Variants in RTF1 observed in about 807,000 individuals in gnomAD.
The protein encoded by RTF1 is RTF1 homolog, Paf1/RNA polymerase II complex component, also known as RNA polymerase-associated protein RTF1 homolog.
Under a neutral mutation model 95.7 loss-of-function variants are expected in RTF1, and 10 were observed. The observed-to-expected ratio is 0.10, with a 90% confidence interval of 0.06 to 0.18. The LOEUF (loss-of-function observed/expected upper bound fraction) is 0.18. RTF1 is among the 10% of genes least tolerant of loss of function. The pLI is 1.00. For missense variants in RTF1, 458 were observed against 875.6 expected (o/e 0.52, Z 6.02); for synonymous variants, 305 against 311.8 (o/e 0.98, Z 0.23).
chr15:41,472,639 C>T (rs946676162), intron 8 of RTF1, among the ~76,000 whole-genome samples: 1 of 152,072 alleles, frequency 6.6e-6, no homozygotes, highest in Non-Finnish European at 1.5e-5. Context: ...ATGCCTCAGC[C>T]TCCAAGTAGC....
chr15:41,417,957 A>G (rs75358353), intron 1 of RTF1, among the ~76,000 whole-genome samples: 4,141 of 152,232 alleles, frequency 0.027, 79 homozygotes, highest in Middle Eastern at 0.082. Context: ...TGGAGGAAAG[A>G]GGGCAGATAC....
intron 3 of RTF1, among the ~76,000 whole-genome samples, chr15:41,455,943 C>G (rs769828019): frequency 6.7e-6 from 1 of 150,322 alleles, no homozygotes; most frequent in Non-Finnish European, 1.5e-5. Flanking sequence ...CCAGGTGCGG[C>G]GGCTCACACC....
chr15:41,457,016 G>T (rs2050821778), intron 3 of RTF1, among the ~76,000 whole-genome samples: 1 of 152,076 alleles, frequency 6.6e-6, no homozygotes, highest in South Asian at 2.1e-4. Context: ...AACCAGGGAG[G>T]TGGAAGTTGC....
At chr15:41,426,814 TG>T (rs2050635189) in intron 1 of RTF1, among the ~76,000 whole-genome samples, 1 of 139,036 alleles carries the variant, frequency 7.2e-6, no homozygotes, top group Admixed American at 7.3e-5. Flanking sequence ...TGTGTGTGTG[TG>T]TGTGTGTGTG....
At chr15:41,423,197 T>C (rs1225979901) in intron 1 of RTF1, among the ~76,000 whole-genome samples, 1 of 152,234 alleles carries the variant, frequency 6.6e-6, no homozygotes, top group Non-Finnish European at 1.5e-5. Context: ...TGCTTCTTGT[T>C]AATGTAGTGT....
intron 1 of RTF1, among the ~76,000 whole-genome samples, chr15:41,436,885 G>A (rs1308265801): frequency 6.6e-6 from 1 of 151,878 alleles, no homozygotes; most frequent in Non-Finnish European, 1.5e-5. Flanking sequence ...TCAGGAGATC[G>A]AGACCATCCT....
intron 9 of RTF1, 67 bp from the exon 10 acceptor site, chr15:41,475,458 A>G: frequency 8.2e-7 from 1 of 1,226,812 alleles, no homozygotes; most frequent in East Asian, 2.3e-5. Context: ...TAGTCTGGTA[A>G]GGTTGCTTTG....
intron 3 of RTF1, among the ~76,000 whole-genome samples, chr15:41,457,387 G>T (rs112928965): frequency 0.027 from 4,138 of 152,138 alleles, 78 homozygotes; most frequent in Middle Eastern, 0.082. Flanking sequence ...TACAAAATTA[G>T]CTGGGTGTGG....
intron 14 of RTF1, among the ~76,000 whole-genome samples, chr15:41,478,122 C>T (rs538038170): frequency 1.7e-4 from 26 of 151,528 alleles, no homozygotes; most frequent in Middle Eastern, 6.9e-3. Context: ...AAAAATTAGC[C>T]GGGCATGGTG....
At chr15:41,455,719 C>T (rs927756052) in intron 3 of RTF1, among the ~76,000 whole-genome samples, 10 of 150,214 alleles carry the variant, frequency 6.7e-5, no homozygotes, top group African/African-American at 1.5e-4. Flanking sequence ...CCCCAAGAAT[C>T]GCTTAAAGAG....
chr15:41,453,145 C>A, intron 3 of RTF1, 97 bp downstream of exon 3: 2 of 963,354 alleles, frequency 2.1e-6, no homozygotes, highest in Non-Finnish European at 1.5e-6. Context: ...TACTTGCATT[C>A]AGCATGACCT....
intron 1 of RTF1, among the ~76,000 whole-genome samples, chr15:41,428,825 T>C (rs919221789): frequency 2.6e-5 from 4 of 152,174 alleles, no homozygotes; most frequent in African/African-American, 9.6e-5. Context: ...GCAACCTCTC[T>C]GCCTCCTGGG....
chr15:41,440,246 A>G (rs2050726302), intron 2 of RTF1: 1 of 142,032 alleles, frequency 7.0e-6, no homozygotes, highest in African/African-American at 2.6e-5. Flanking sequence ...GCTACAGTGC[A>G]GCGGCGCAAT....
chr15:41,418,257 G>A (rs2050581979), intron 1 of RTF1, among the ~76,000 whole-genome samples: 1 of 152,206 alleles, frequency 6.6e-6, no homozygotes. Context: ...GAATATGCAA[G>A]AGATAGTAGC....
intron 9 of RTF1, 93 bp from the exon 10 acceptor site, chr15:41,475,432 A>T: frequency 3.3e-6 from 3 of 921,902 alleles, no homozygotes; most frequent in Non-Finnish European, 5.4e-6. Context: ...TGCAATAGGT[A>T]TATATAGGTG....
intron 8 of RTF1, among the ~76,000 whole-genome samples, chr15:41,473,643 A>G (rs1235846549): frequency 6.6e-6 from 1 of 151,984 alleles, no homozygotes; most frequent in East Asian, 1.9e-4. Context: ...GCTCATTGCA[A>G]CCTTGAACTC....
chr15:41,470,033 A>G (rs2050902000), intron 6 of RTF1, among the ~76,000 whole-genome samples: 1 of 152,146 alleles, frequency 6.6e-6, no homozygotes, highest in African/African-American at 2.4e-5. Context: ...CCTAGTATCA[A>G]TCTTCCAGCC....
chr15:41,423,887 G>A (rs2050615616), intron 1 of RTF1, among the ~76,000 whole-genome samples: 1 of 151,942 alleles, frequency 6.6e-6, no homozygotes, highest in African/African-American at 2.4e-5. Flanking sequence ...CAAGTAGCTG[G>A]GATTACAGGT....
intron 1 of RTF1, among the ~76,000 whole-genome samples, chr15:41,420,134 T>G (rs1436877442): frequency 6.6e-6 from 1 of 152,168 alleles, no homozygotes; most frequent in African/African-American, 2.4e-5. Flanking sequence ...ATTGCAATTT[T>G]AAATCCAATT....
Sources: allele counts gnomAD v4.1 joint callset (sites outside exome capture counted in the v4.1 genomes callset), GRCh38; gene constraint gnomAD v4.1.1; transcripts MANE v1.5; gene names NCBI Gene and HGNC (gene_info 2026-07-23, HGNC 2026-07-21).